Variants in LRRK1 observed in about 807,000 individuals in gnomAD.
The protein encoded by LRRK1 is leucine-rich repeat serine/threonine-protein kinase 1.
A neutral mutation model predicts 209.1 loss-of-function variants in LRRK1; 113 were observed. The ratio of observed to expected loss-of-function variants is 0.54; its 90% CI spans 0.46 to 0.63. The LOEUF (loss-of-function observed/expected upper bound fraction) is 0.63. Ranked by LOEUF, LRRK1 falls within the 30% of genes least tolerant of loss-of-function variation. The pLI is 0.00. For missense variants in LRRK1, 2,284 were observed against 2,632.2 expected (o/e 0.87, Z 2.89); for synonymous variants, 1,144 against 1,099.7 (o/e 1.04, Z -0.80).
At chr15:100,968,894 A>G (rs1596213938) in intron 2 of LRRK1, among the ~76,000 whole-genome samples, 2 of 150,436 alleles carry the variant, frequency 1.3e-5, no homozygotes, top group East Asian at 4.0e-4. Context: ...AGTGGAGTGC[A>G]GTGGTGTAGT....
intron 21 of LRRK1, among the ~76,000 whole-genome samples, chr15:101,046,576 CG>C (rs759113780): frequency 4.6e-5 from 7 of 152,218 alleles, no homozygotes; most frequent in Non-Finnish European, 8.8e-5. Flanking sequence ...GTTAGAAGCA[CG>C]GTTTTGCCGT....
rs202077818 is a variant in LRRK1 at position 101,027,340 on chromosome 15, G to A, written c.2485G>A (p.Val829Met). ...CCACGTCACGTGCAGCATGAAGGAC[G>A]TGGGCAGCACCATCGGCTGCCAGCG... The part of the protein sequence containing the change: ...IFHVTCSMKD[V>M]GSTIGCQRLA... Residue 829 changes from valine (V) to methionine (M), a missense_variant, in exon 18 of 34, where the codon GTG (valine) becomes ATG (methionine). Transcript: ENST00000388948. The surrounding 1 kb of genome is among the most constrained non-coding windows in gnomAD (Gnocchi z 5.1). 7.5e-5 allele frequency: 121 copies of A among 1,614,008 alleles called. No homozygotes were observed. The highest frequency in any genetic ancestry group is 5.2e-4 in the Admixed American group (31 of 60,016).
At chr15:100,988,290 C>T (rs1596241077) in intron 4 of LRRK1, among the ~76,000 whole-genome samples, 1 of 109,104 alleles carries the variant, frequency 9.2e-6, no homozygotes, top group South Asian at 2.6e-4. Flanking sequence ...TAACCTTCCC[C>T]CTTTTCCCTC....
chr15:101,016,001 T>C (rs892131593), intron 12 of LRRK1, among the ~76,000 whole-genome samples: 12 of 151,804 alleles, frequency 7.9e-5, no homozygotes, highest in African/African-American at 2.9e-4. Context: ...TTTTTTTTTT[T>C]TTCTTTGAGA....
intron 6 of LRRK1, among the ~76,000 whole-genome samples, chr15:100,998,267 G>A (rs891093850): frequency 1.3e-5 from 2 of 151,092 alleles, no homozygotes; most frequent in African/African-American, 2.4e-5. Context: ...AGCAGACCAC[G>A]CCTAGCCAGG....
At chr15:100,927,292 T>C (rs1316885988) in intron 2 of LRRK1, among the ~76,000 whole-genome samples, 1 of 152,146 alleles carries the variant, frequency 6.6e-6, no homozygotes, top group East Asian at 1.9e-4. Flanking sequence ...CCAGAAAATG[T>C]TAAGGTGTTC....
chr15:101,001,677 TC>T (rs1346710364), intron 6 of LRRK1, among the ~76,000 whole-genome samples: 3 of 152,164 alleles, frequency 2.0e-5, no homozygotes, highest in Non-Finnish European at 4.4e-5. Context: ...TCTGTGTATT[TC>T]CCCCCATTGT....
In LRRK1 at chr15:101,022,287, C is replaced by T. The variant is rs999728113; in HGVS notation, c.1853-96C>T. On this transcript the variant is annotated intron_variant, in intron 14 of 33. Transcript: ENST00000388948. This position sits in a 1 kb window ranked among gnomAD's most constrained non-coding sequence, Gnocchi z 4.0. ...TCTTCCTTAACTGTCCCCACTAAAA[C>T]ACAAAGAAGGAGTTCCTTCACAACA... 4.0e-5 allele frequency: 49 copies of T among 1,216,752 alleles called. No individual in the cohort carries two copies. The African/African-American group carries it at 7.0e-4, about 17-fold the overall frequency. 75.4% of individuals were successfully genotyped at this position (1,216,752 alleles called of 1,614,324 possible).
intron 6 of LRRK1, among the ~76,000 whole-genome samples, 163 bp from the exon 7 acceptor site, chr15:101,008,674 G>A (rs1167070079): frequency 1.3e-5 from 2 of 152,222 alleles, no homozygotes; most frequent in African/African-American, 2.4e-5. Context: ...ACCCACCACC[G>A]TGGCAGGTGC....
intron 20 of LRRK1, among the ~76,000 whole-genome samples, chr15:101,033,154 A>G (rs4965766): frequency 0.88 from 134,040 of 152,118 alleles, 59,312 homozygotes; most frequent in Middle Eastern, 0.94. Flanking sequence ...TTATCAATAC[A>G]TAATATTTTA....
intron 20 of LRRK1, among the ~76,000 whole-genome samples, chr15:101,035,284 A>T (rs1008472304): frequency 6.6e-6 from 1 of 152,038 alleles, no homozygotes; most frequent in Non-Finnish European, 1.5e-5. Context: ...TTATAGTATT[A>T]GAATATATCT....
intron 2 of LRRK1, among the ~76,000 whole-genome samples, chr15:100,961,198 C>G (rs1215194362): frequency 6.6e-6 from 1 of 152,168 alleles, no homozygotes. Flanking sequence ...AGTGTGCTGG[C>G]TCAGGTCTCT....
intron 7 of LRRK1, 25 bp downstream of exon 7, chr15:101,009,088 G>A: frequency 6.4e-7 from 1 of 1,556,930 alleles, no homozygotes. Context: ...TGTGACCGGA[G>A]CCGTGTGTGA....
intron 2 of LRRK1, among the ~76,000 whole-genome samples, chr15:100,941,464 C>CTGTGTGTGTCTGTGTGTCTGTGTG (rs2042432624): frequency 1.1e-5 from 1 of 88,740 alleles, no homozygotes; most frequent in Non-Finnish European, 2.2e-5. Flanking sequence ...GTCTATGTCT[C>CTGTGTGTGTCTGTGTGTCTGTGTG]TGTGTGTGTG....
intron 12 of LRRK1, among the ~76,000 whole-genome samples, chr15:101,016,921 CACA>C (rs2033564806): frequency 6.6e-6 from 1 of 152,216 alleles, no homozygotes; most frequent in Non-Finnish European, 1.5e-5. Context: ...GTGCTGGTCA[CACA>C]ACAAGGCCAG....
chr15:101,033,888 G>A (rs563114567), intron 20 of LRRK1, among the ~76,000 whole-genome samples: 14 of 152,232 alleles, frequency 9.2e-5, no homozygotes, highest in South Asian at 2.1e-4. Flanking sequence ...AGCCAACAGC[G>A]TATAAGAGTT....
chr15:101,020,985 C>T lies in LRRK1; in HGVS notation c.1610-68C>T, dbSNP rs1288191224. The T allele has an allele frequency of 6.9e-6, 11 of 1,590,090 alleles. No individual in the cohort carries two copies. In the African/African-American group the frequency reaches 1.2e-4, roughly 17 times the overall value. On this transcript the variant is annotated intron_variant, in intron 12 of 33. Transcript: ENST00000388948. ...GAGGTTGCATCAGTTTATACGCCCACCTGGTCACCACGCTGTGACGGTCCA... is the reference window on the plus strand; with the variant it reads ...GAGGTTGCATCAGTTTATACGCCCATCTGGTCACCACGCTGTGACGGTCCA...
intron 4 of LRRK1, among the ~76,000 whole-genome samples, chr15:100,988,158 A>G (rs577372908): frequency 2.6e-5 from 4 of 152,150 alleles, no homozygotes; most frequent in Non-Finnish European, 5.9e-5. Context: ...TTTAACTTTT[A>G]CTTTAGGTTC....
At chr15:101,031,354 G>C (rs1188858786) in intron 20 of LRRK1, among the ~76,000 whole-genome samples, 1 of 152,194 alleles carries the variant, frequency 6.6e-6, no homozygotes, top group Admixed American at 6.5e-5. Flanking sequence ...CAACCGCACA[G>C]AGTCACGCAA....
Sources: gnomAD v4.1 joint callset for allele counts (sites outside exome capture counted in the v4.1 genomes callset) on GRCh38, gnomAD v4.1.1 for gene constraint, Gnocchi (gnomAD v3.1) non-coding constraint, MANE v1.5 for transcripts, NCBI Gene and HGNC (gene_info 2026-07-23, HGNC 2026-07-21) for gene names.